NCK2: variants seen among roughly 807,000 people sequenced by gnomAD.
NCK2 encodes NCK adaptor protein 2.
NCK2 carries 16 observed loss-of-function variants against 33.9 expected under a neutral mutation model. That is an observed-to-expected ratio of 0.47 (90% CI 0.32 to 0.72). The LOEUF (loss-of-function observed/expected upper bound fraction) is 0.72. Among genes scored for constraint, NCK2 ranks in the 30% least tolerant of loss-of-function variants. NCK2 has a pLI of 0.03. For synonymous variants in NCK2, 273 were observed against 239.9 expected (o/e 1.14, Z -1.27); for missense variants, 418 against 537.3 (o/e 0.78, Z 2.19).
At chr2:105,750,139 T>C (rs1689410622) in intron 1 of NCK2, among the ~76,000 whole-genome samples, 1 of 151,594 alleles carries the variant, frequency 6.6e-6, no homozygotes, top group Non-Finnish European at 1.5e-5. Context: ...AGGCTGGAAG[T>C]CCATGACCCC....
intron 2 of NCK2, among the ~76,000 whole-genome samples, chr2:105,847,500 G>A (rs1335341673): frequency 1.3e-5 from 2 of 152,162 alleles, no homozygotes; most frequent in African/African-American, 4.8e-5. Flanking sequence ...GTCCCGGTGG[G>A]CAGGTGGAAA....
intron 1 of NCK2, among the ~76,000 whole-genome samples, chr2:105,761,518 G>C (rs1460580840): frequency 6.6e-6 from 1 of 152,174 alleles, no homozygotes; most frequent in Non-Finnish European, 1.5e-5. Flanking sequence ...AGATGAGAGA[G>C]ACTCTGTTGT....
At chr2:105,839,437 G>C (rs760251010) in intron 2 of NCK2, among the ~76,000 whole-genome samples, 1 of 152,124 alleles carries the variant, frequency 6.6e-6, no homozygotes, top group Non-Finnish European at 1.5e-5. Flanking sequence ...AGGCAAGTCT[G>C]TGGGGTTTGC....
chr2:105,770,468 T>G (rs1252376475), intron 1 of NCK2, among the ~76,000 whole-genome samples: 3 of 152,236 alleles, frequency 2.0e-5, no homozygotes, highest in East Asian at 3.8e-4. Flanking sequence ...GGCCTGAAAC[T>G]TACTGTAAGG....
intron 4 of NCK2, 106 bp from the exon 5 acceptor site, chr2:105,892,876 T>G: frequency 1.4e-5 from 12 of 863,902 alleles, no homozygotes; most frequent in East Asian, 2.6e-5. Context: ...AGACCCAGTG[T>G]TTGAGCAATG....
chr2:105,747,720 T>A (rs979835207), intron 1 of NCK2, among the ~76,000 whole-genome samples: 2 of 152,170 alleles, frequency 1.3e-5, no homozygotes, highest in East Asian at 1.9e-4. Flanking sequence ...GGTTTGCGAG[T>A]GGCACTTCCA....
intron 1 of NCK2, among the ~76,000 whole-genome samples, chr2:105,768,070 G>A (rs1690005514): frequency 6.6e-6 from 1 of 152,172 alleles, no homozygotes; most frequent in Admixed American, 6.5e-5. Flanking sequence ...TGCTAGATGT[G>A]TAACTTCACC....
chr2:105,783,963 C>T (rs1284331814), intron 1 of NCK2, among the ~76,000 whole-genome samples: 2 of 152,218 alleles, frequency 1.3e-5, no homozygotes, highest in African/African-American at 4.8e-5. Flanking sequence ...GACAGAGTGC[C>T]ATTGCCTTTG....
chr2:105,884,898 C>T (rs1460360156), intron 4 of NCK2, among the ~76,000 whole-genome samples: 1 of 152,210 alleles, frequency 6.6e-6, no homozygotes, highest in Non-Finnish European at 1.5e-5. Context: ...ATTTCGTTAT[C>T]ATACCTTCAC....
chr2:105,765,664 G>A (rs1263508900), intron 1 of NCK2, among the ~76,000 whole-genome samples: 9 of 131,072 alleles, frequency 6.9e-5, no homozygotes, highest in Non-Finnish European at 1.3e-4. Context: ...AGTGGGTAGT[G>A]GGTTTTTTTT....
intron 2 of NCK2, among the ~76,000 whole-genome samples, chr2:105,835,407 G>GTATATATATATATATATATACTTA: frequency 5.1e-5 from 1 of 19,694 alleles, no homozygotes; most frequent in Admixed American, 5.8e-4. Context: ...ATATATATAC[G>GTATATATATATATATATATACTTA]TGTATATATA....
At chr2:105,817,250 A>AT (rs979758651) in intron 2 of NCK2, among the ~76,000 whole-genome samples, 3 of 152,084 alleles carry the variant, frequency 2.0e-5, no homozygotes, top group African/African-American at 7.2e-5. Flanking sequence ...ACCTGTTCAT[A>AT]TGAAAAACCT....
chr2:105,756,152 C>T (rs1463683610), intron 1 of NCK2, among the ~76,000 whole-genome samples: 1 of 152,210 alleles, frequency 6.6e-6, no homozygotes, highest in Non-Finnish European at 1.5e-5. Context: ...AGAGAGCTGT[C>T]AGTTAGAAGT....
chr2:105,785,333 A>C (rs1164895806), intron 1 of NCK2, among the ~76,000 whole-genome samples: 2 of 152,166 alleles, frequency 1.3e-5, no homozygotes, highest in African/African-American at 4.8e-5. Flanking sequence ...GTGTAAAAAG[A>C]ACCAGAGGAC....
chr2:105,892,464 T>C (rs1679026407), intron 4 of NCK2, among the ~76,000 whole-genome samples: 1 of 151,224 alleles, frequency 6.6e-6, no homozygotes, highest in Admixed American at 6.6e-5. Flanking sequence ...GCAGAATTTA[T>C]TTTTTCTTTG....
chr2:105,849,028 A>G (rs559949154), intron 2 of NCK2, among the ~76,000 whole-genome samples: 1 of 152,314 alleles, frequency 6.6e-6, no homozygotes, highest in East Asian at 1.9e-4. Context: ...ATTTCAAGTT[A>G]ATATCCTGGA....
intron 1 of NCK2, among the ~76,000 whole-genome samples, chr2:105,794,283 CGCAAGTGATCCGCCCGCCTCA>C (rs1690999080): frequency 1.3e-5 from 2 of 151,908 alleles, no homozygotes; most frequent in South Asian, 4.2e-4. Context: ...AACTCCTGAC[CGCAAGTGATCCGCCCGCCTCA>C]GCCTCCCAAA....
At chr2:105,805,509 T>G (rs1422431347) in intron 1 of NCK2, among the ~76,000 whole-genome samples, 1 of 152,252 alleles carries the variant, frequency 6.6e-6, no homozygotes, top group Non-Finnish European at 1.5e-5. Flanking sequence ...TTTTAAAATT[T>G]CATTTATTTT....
In NCK2 at chr2:105,864,817, A is replaced by G. The variant is rs141793003; in HGVS notation, c.226+9528A>G. On this transcript the variant is annotated intron_variant, in intron 3 of 4. Coordinates refer to ENST00000233154, the MANE Select transcript of NCK2 (RefSeq NM_003581.5). ...GGGAAAGATCTGTAACCTCTAGCTCACATGTGCATGTACACACACACACAC... is the reference window on the plus strand; with the variant it reads ...GGGAAAGATCTGTAACCTCTAGCTCGCATGTGCATGTACACACACACACAC... Among the ~76,000 whole-genome samples the G allele has an allele frequency of 4.5e-3, 624 of 139,838 alleles. 2 individuals carry two copies. The highest frequency in any genetic ancestry group is 0.016 in the African/African-American group (565 of 36,368). 91.7% of individuals were successfully genotyped at this position (139,838 alleles called of 152,430 possible). A position where few individuals can be genotyped will look rare whatever the true frequency, so the allele number is the denominator to read the frequency against.
Sources: allele counts gnomAD v4.1 joint callset (sites outside exome capture counted in the v4.1 genomes callset), GRCh38; gene constraint gnomAD v4.1.1; transcripts MANE v1.5; gene names NCBI Gene and HGNC (gene_info 2026-07-23, HGNC 2026-07-21).